The following NWD2 variants were observed in gnomAD, a reference collection of about 807,000 sequenced individuals.
NWD2 encodes NACHT and WD repeat domain containing 2, also known as NACHT and WD repeat domain-containing protein 2.
Under a neutral mutation model 132.7 loss-of-function variants are expected in NWD2, and 37 were observed. The observed-to-expected ratio is 0.28, with a 90% CI of 0.21 to 0.37. The LOEUF (loss-of-function observed/expected upper bound fraction) is 0.37. NWD2 is among the 10% of genes least tolerant of loss of function. The pLI is 1.00. For missense variants in NWD2, 1,592 were observed against 2,122.4 expected, an observed-to-expected ratio of 0.75 and a Z score of 4.91; for synonymous variants, 705 against 803.0, an observed-to-expected ratio of 0.88 and a Z score of 2.06.
chr4:37,358,687 G>A (rs768938770), intron 3 of NWD2, among the ~76,000 whole-genome samples: 1 of 152,038 alleles, frequency 6.6e-6, no homozygotes, highest in Admixed American at 6.6e-5. Context: ...CTACCTCATC[G>A]GGTCATTCTG....
chr4:37,367,775 T>C (rs1240336998), intron 3 of NWD2, among the ~76,000 whole-genome samples: 1 of 152,188 alleles, frequency 6.6e-6, no homozygotes, highest in Non-Finnish European at 1.5e-5. Context: ...CCCATGGGGC[T>C]GTTATTTCTC....
intron 1 of NWD2, among the ~76,000 whole-genome samples, chr4:37,294,431 A>G (rs552646129): frequency 1.9e-4 from 29 of 152,254 alleles, no homozygotes; most frequent in African/African-American, 7.0e-4. Context: ...CTGTAGGACT[A>G]CATGCTGACT....
At chr4:37,314,411 A>G (rs1020774178) in intron 1 of NWD2, among the ~76,000 whole-genome samples, 3 of 152,152 alleles carry the variant, frequency 2.0e-5, no homozygotes, top group Admixed American at 6.5e-5. Flanking sequence ...CTGAGATTTT[A>G]TTTATGGAAA....
chr4:37,347,139 A>G (rs1174164051), intron 2 of NWD2, among the ~76,000 whole-genome samples: 4 of 151,780 alleles, frequency 2.6e-5, no homozygotes, highest in African/African-American at 9.7e-5. Context: ...TTTTTGTATG[A>G]TTGATTTATA....
At chr4:37,355,492 T>C (rs1268406695) in intron 2 of NWD2, among the ~76,000 whole-genome samples, 1 of 152,132 alleles carries the variant, frequency 6.6e-6, no homozygotes, top group African/African-American at 2.4e-5. Context: ...TGAGCTTCCA[T>C]CTCACCAAAT....
chr4:37,413,283 C>A (rs1721199242), intron 3 of NWD2, among the ~76,000 whole-genome samples: 2 of 152,062 alleles, frequency 1.3e-5, no homozygotes, highest in South Asian at 4.2e-4. Context: ...AAGAAAAAAG[C>A]AAACAACCCC....
chr4:37,273,565 T>G (rs538605058), intron 1 of NWD2, among the ~76,000 whole-genome samples: 2 of 152,024 alleles, frequency 1.3e-5, no homozygotes, highest in African/African-American at 2.4e-5. Context: ...TAAACTCAGC[T>G]CTGCACCAAG....
At chr4:37,352,720 A>G (rs1286708429) in intron 2 of NWD2, among the ~76,000 whole-genome samples, 1 of 152,088 alleles carries the variant, frequency 6.6e-6, no homozygotes, top group Non-Finnish European at 1.5e-5. Context: ...ATATTCCTCC[A>G]TCCCTTTATT....
chr4:37,417,777 G>T (rs1711667872), intron 3 of NWD2, among the ~76,000 whole-genome samples: 4 of 152,142 alleles, frequency 2.6e-5, no homozygotes, highest in Non-Finnish European at 5.9e-5. Flanking sequence ...CACAACTGGG[G>T]TTGAATGTAC....
At chr4:37,312,349 T>C (rs1359928077) in intron 1 of NWD2, among the ~76,000 whole-genome samples, 5 of 149,878 alleles carry the variant, frequency 3.3e-5, no homozygotes, top group African/African-American at 5.1e-5. Flanking sequence ...CTTCACATCC[T>C]TTGTAAGTTG....
At chr4:37,312,972 T>A (rs1307849430) in intron 1 of NWD2, among the ~76,000 whole-genome samples, 1 of 151,180 alleles carries the variant, frequency 6.6e-6, no homozygotes, top group Non-Finnish European at 1.5e-5. Context: ...ATCCCAGGGA[T>A]GAAGCCCACT....
chr4:37,397,116 A>G lies in NWD2; in HGVS notation c.358-33456A>G, dbSNP rs1398532508. ...CCAGTCTTCAGTGAGATAGCCTGGG[A>G]GTTGGTGATAGGGATGAGCATCTCA... On this transcript the variant is annotated intron_variant, in intron 3 of 6. Coordinates refer to ENST00000309447, the MANE Select transcript of NWD2 (RefSeq NM_001144990.2). Among the ~76,000 whole-genome samples, 3 of 151,690 alleles carry G rather than the reference A, an allele frequency of 2.0e-5. No individual in the cohort carries two copies. In the East Asian group the frequency reaches 5.8e-4, roughly 30 times the overall value.
chr4:37,298,306 T>A lies in NWD2; in HGVS notation c.152-27630T>A, dbSNP rs914531815. Among the ~76,000 whole-genome samples, 3 of 152,262 alleles carry A rather than the reference T, an allele frequency of 2.0e-5. No individual in the cohort carries two copies. In the East Asian group the frequency reaches 5.8e-4, roughly 29 times the overall value. On this transcript the variant is annotated intron_variant, in intron 1 of 6. Transcript: ENST00000309447. ...TTTGTGATTTGGGCAGTATTCTAAG[T>A]CTTTGCCATGTCTGTTTGATTATGG...
chr4:37,268,690 T>C (rs1717808337), intron 1 of NWD2, among the ~76,000 whole-genome samples: 1 of 150,744 alleles, frequency 6.6e-6, no homozygotes. Flanking sequence ...GAAAAAGCTA[T>C]TTTGTGATAA....
intron 5 of NWD2, among the ~76,000 whole-genome samples, chr4:37,435,956 A>T (rs1712310462): frequency 6.6e-6 from 1 of 152,218 alleles, no homozygotes; most frequent in Non-Finnish European, 1.5e-5. Context: ...GAAATCTTGA[A>T]ATAAGAATAC....
chr4:37,423,250 C>A (rs1031518489), intron 3 of NWD2, among the ~76,000 whole-genome samples: 2 of 152,134 alleles, frequency 1.3e-5, no homozygotes, highest in African/African-American at 2.4e-5. Flanking sequence ...TCTAGATTAT[C>A]TTTAATGTGG....
At chr4:37,262,199 A>T (rs998934317) in intron 1 of NWD2, among the ~76,000 whole-genome samples, 6 of 152,202 alleles carry the variant, frequency 3.9e-5, no homozygotes, top group Non-Finnish European at 7.3e-5. Flanking sequence ...CCAGCATGTT[A>T]TCTCATTGTA....
intron 4 of NWD2, among the ~76,000 whole-genome samples, chr4:37,433,478 A>G (rs925090941): frequency 8.5e-5 from 13 of 152,204 alleles, no homozygotes; most frequent in South Asian, 2.1e-4. Flanking sequence ...CTCCCAGTGG[A>G]CCATCAAAAC....
chr4:37,356,281 A>C (rs1282048958), intron 2 of NWD2, 85 bp from the exon 3 acceptor site: 1 of 668,388 alleles, frequency 1.5e-6, no homozygotes, highest in East Asian at 3.0e-5. Context: ...TGCAAAGAGA[A>C]AAGTTAAAAG....
Sources: allele counts gnomAD v4.1 joint callset (sites outside exome capture counted in the v4.1 genomes callset), GRCh38; gene constraint gnomAD v4.1.1; transcripts MANE v1.5; gene names NCBI Gene and HGNC (gene_info 2026-07-23, HGNC 2026-07-21).